The following DPYSL5 variants were observed in gnomAD, a reference collection of about 807,000 sequenced individuals.
The protein encoded by DPYSL5 is dihydropyrimidinase like 5, also known as dihydropyrimidinase-related protein 5.
DPYSL5 carries 9 observed loss-of-function variants against 58.4 expected under a neutral mutation model. The ratio of observed to expected loss-of-function variants is 0.15; its 90% CI spans 0.09 to 0.27. DPYSL5 has a LOEUF of 0.27. DPYSL5 is among the 10% of genes least tolerant of loss of function. The probability of loss-of-function intolerance (pLI) is 1.00; values close to 1 mark genes in which losing one functional copy is unlikely to be tolerated. For missense variants in DPYSL5, 499 were observed against 770.6 expected (o/e 0.65, Z 4.17); for synonymous variants, 293 against 301.9 (o/e 0.97, Z 0.31).
rs907144120 is a variant in DPYSL5, at chr2:26,949,031, C to T, written c.*2036C>T. 8 of 152,170 alleles carry T rather than the reference C, an allele frequency of 5.3e-5. No individual in the cohort carries two copies. Among genetic ancestry groups the T allele is most frequent in the Admixed American group, 5.2e-4 (8 of 15,274 alleles). The allele number at this position is 152,170 out of a possible 1,614,324, so 9.4% of individuals were successfully genotyped here. On this transcript the variant is annotated 3_prime_UTR_variant, in exon 13 of 13. Transcript: ENST00000288699. Reference sequence around the variant, plus strand: ...ACCCAGAAAGTTCAGGTCCTCTGACCCCAGAAGTGTCTGTGATGACCCTCC... The same window carrying T: ...ACCCAGAAAGTTCAGGTCCTCTGACTCCAGAAGTGTCTGTGATGACCCTCC...
chr2:26,851,926 A>G (rs551866789), intron 1 of DPYSL5, among the ~76,000 whole-genome samples: 93 of 152,162 alleles, frequency 6.1e-4, no homozygotes, highest in African/African-American at 2.2e-3. Flanking sequence ...CAGCCTGGGC[A>G]ACAGAGTGAG....
intron 8 of DPYSL5, among the ~76,000 whole-genome samples, chr2:26,937,311 T>C (rs1470782911): frequency 6.6e-6 from 1 of 152,190 alleles, no homozygotes; most frequent in East Asian, 1.9e-4. Flanking sequence ...GATAATAGTC[T>C]GAATCCCTTT....
chr2:26,859,751 C>G (rs1164755534), intron 1 of DPYSL5, among the ~76,000 whole-genome samples: 1 of 152,124 alleles, frequency 6.6e-6, no homozygotes, highest in Non-Finnish European at 1.5e-5. Flanking sequence ...ATGAGACGCA[C>G]CCATTGCTAA....
chr2:26,917,647 C>G (rs1053049293), intron 2 of DPYSL5, among the ~76,000 whole-genome samples: 18 of 152,114 alleles, frequency 1.2e-4, no homozygotes, highest in African/African-American at 4.3e-4. Context: ...AGCAACCCCC[C>G]ACCCATGTGA....
intron 11 of DPYSL5, among the ~76,000 whole-genome samples, chr2:26,943,973 G>A (rs1373439769): frequency 6.6e-6 from 1 of 152,112 alleles, no homozygotes; most frequent in East Asian, 1.9e-4. Context: ...GAATAACGTT[G>A]CGCTGTGTGG....
intron 1 of DPYSL5, among the ~76,000 whole-genome samples, chr2:26,890,305 GA>G (rs1209498544): frequency 6.6e-6 from 1 of 152,212 alleles, no homozygotes; most frequent in Non-Finnish European, 1.5e-5. Flanking sequence ...GTCTCCAGTG[GA>G]AAGGAGTGAA....
chr2:26,932,193 A>AAGAAAGAAAGAC (rs1558351614), intron 6 of DPYSL5, among the ~76,000 whole-genome samples: 3 of 72,752 alleles, frequency 4.1e-5, no homozygotes, highest in South Asian at 4.8e-4. Context: ...GAAAGAAAGA[A>AAGAAAGAAAGAC]AGAAAGAAAG....
At chr2:26,939,437 G>T (rs929030272) in intron 8 of DPYSL5, 3 of 152,554 alleles carry the variant, frequency 2.0e-5, no homozygotes, top group African/African-American at 7.2e-5. Flanking sequence ...CCTGGCCCGA[G>T]GACAGCCTTA....
chr2:26,915,210 C>T (rs1664532776), intron 2 of DPYSL5, among the ~76,000 whole-genome samples: 1 of 152,124 alleles, frequency 6.6e-6, no homozygotes, highest in African/African-American at 2.4e-5. Flanking sequence ...CTCCATACAA[C>T]CCCACTCCTC....
intron 2 of DPYSL5, among the ~76,000 whole-genome samples, chr2:26,899,296 C>T (rs1439108625): frequency 6.6e-6 from 1 of 152,142 alleles, no homozygotes; most frequent in Non-Finnish European, 1.5e-5. Context: ...CAATATTTAA[C>T]AGTTACTGAG....
At chr2:26,900,758 C>T (rs1269741333) in intron 2 of DPYSL5, among the ~76,000 whole-genome samples, 1 of 152,170 alleles carries the variant, frequency 6.6e-6, no homozygotes, top group Non-Finnish European at 1.5e-5. Context: ...ATTCTGGGGT[C>T]CATTCTGTAG....
intron 9 of DPYSL5, 96 bp from the exon 10 acceptor site, chr2:26,941,854 T>C (rs1003706577): frequency 1.3e-6 from 2 of 1,540,278 alleles, no homozygotes; most frequent in Non-Finnish European, 1.8e-6. Context: ...CCTGACCACC[T>C]AAGCCCTAAG....
intron 1 of DPYSL5, among the ~76,000 whole-genome samples, chr2:26,861,997 G>T (rs913392828): frequency 3.3e-5 from 5 of 152,144 alleles, no homozygotes; most frequent in Admixed American, 2.0e-4. Context: ...GGAGCTGAGG[G>T]TGTCCTCTAG....
At chr2:26,932,220 GA>G (rs1196651303) in intron 6 of DPYSL5, among the ~76,000 whole-genome samples, 3 of 145,676 alleles carry the variant, frequency 2.1e-5, no homozygotes, top group Non-Finnish European at 4.6e-5. Context: ...AAGAAAGAAA[GA>G]AAGAAAGAAA....
At chr2:26,851,624 T>G (rs1447602126) in intron 1 of DPYSL5, among the ~76,000 whole-genome samples, 2 of 152,084 alleles carry the variant, frequency 1.3e-5, no homozygotes, top group Admixed American at 6.6e-5. Flanking sequence ...AAGGACAGCA[T>G]GACTATAGGC....
intron 1 of DPYSL5, among the ~76,000 whole-genome samples, chr2:26,886,720 C>T (rs1270265715): frequency 6.6e-6 from 1 of 152,134 alleles, no homozygotes; most frequent in Non-Finnish European, 1.5e-5. Flanking sequence ...TTTTTGTGTT[C>T]TGTTGAACCT....
rs779459645 is a variant in DPYSL5 at position 26,944,616 on chromosome 2, T to C, written c.1441-40T>C. 3.1e-6 allele frequency: 5 copies of C among 1,602,674 alleles called. No individual in the cohort carries two copies. Among genetic ancestry groups the C allele is most frequent in the Admixed American group, 3.4e-5 (2 of 59,456 alleles). On this transcript the variant is annotated intron_variant, in intron 11 of 12. Coordinates refer to ENST00000288699, the MANE Select transcript of DPYSL5 (RefSeq NM_020134.4). This position sits in a 1 kb window ranked among gnomAD's most constrained non-coding sequence, Gnocchi z 4.4. ...TGGTTGTATCACTCAGCTCTGATGGTGTTGTCCTGTTCTTCTGCTCTTCTT... is the reference window on the plus strand; with the variant it reads ...TGGTTGTATCACTCAGCTCTGATGGCGTTGTCCTGTTCTTCTGCTCTTCTT...
At chr2:26,906,342 C>T (rs1664290605) in intron 2 of DPYSL5, among the ~76,000 whole-genome samples, 1 of 152,032 alleles carries the variant, frequency 6.6e-6, no homozygotes, top group African/African-American at 2.4e-5. Context: ...TGCCACCACG[C>T]CCAGCTAATT....
chr2:26,850,088 G>T (rs1019256814), intron 1 of DPYSL5, among the ~76,000 whole-genome samples: 2 of 152,254 alleles, frequency 1.3e-5, no homozygotes, highest in African/African-American at 4.8e-5. Context: ...TTTCTCAGGG[G>T]GAGCCGTAAG....
Sources: gnomAD v4.1 joint callset for allele counts (sites outside exome capture counted in the v4.1 genomes callset) on GRCh38, gnomAD v4.1.1 for gene constraint, Gnocchi (gnomAD v3.1) non-coding constraint, MANE v1.5 for transcripts, NCBI Gene and HGNC (gene_info 2026-07-23, HGNC 2026-07-21) for gene names.